AGTPBP1: variants seen among roughly 807,000 people sequenced by gnomAD.
The protein encoded by AGTPBP1 is ATP/GTP binding carboxypeptidase 1, also known as cytosolic carboxypeptidase 1.
In AGTPBP1, 70 loss-of-function variants were observed where a neutral mutation model predicts 143.9. The ratio of observed to expected loss-of-function variants is 0.49; its 90% CI spans 0.40 to 0.59. The LOEUF is 0.59. Ranked by LOEUF, AGTPBP1 falls within the 20% of genes least tolerant of loss-of-function variation. The probability of loss-of-function intolerance (pLI) is 0.00; values close to 1 mark genes in which losing one functional copy is unlikely to be tolerated. For synonymous variants in AGTPBP1, 463 were observed against 500.2 expected, an observed-to-expected ratio of 0.93 and a Z score of 0.99; for missense variants, 1,229 against 1,464.5, an observed-to-expected ratio of 0.84 and a Z score of 2.62.
chr9:85,574,060 C>T lies in AGTPBP1; in HGVS notation c.3503+1255G>A, dbSNP rs573863293. On this transcript the variant is annotated intron_variant, in intron 25 of 25. Transcript: ENST00000357081. ...AAAGGTGGGGAAAAGATTGAGAAAT[C>T]GGATGGTTGCTGCGTCTGTGTAGAA... is the stretch of plus-strand genomic sequence containing the variant. 2.0e-3 allele frequency among the ~76,000 whole-genome samples: 311 copies of T among 152,288 alleles called. 1 individual carries two copies. The highest frequency in any genetic ancestry group is 6.2e-3 in the African/African-American group (259 of 41,546).
At chr9:85,717,557 T>C (rs1837788193) in intron 1 of AGTPBP1, among the ~76,000 whole-genome samples, 1 of 152,138 alleles carries the variant, frequency 6.6e-6, no homozygotes, top group African/African-American at 2.4e-5. Context: ...TGAATGTTCG[T>C]GTGCCTCCCA....
chr9:85,699,022 A>C (rs1836470338), intron 2 of AGTPBP1, among the ~76,000 whole-genome samples: 1 of 152,096 alleles, frequency 6.6e-6, no homozygotes, highest in Non-Finnish European at 1.5e-5. Context: ...CAACTTTGGG[A>C]GGTTCCATTT....
At chr9:85,765,051 T>C in the AGTPBP1 span, 2 of 579,128 alleles carry the variant, frequency 3.5e-6, no homozygotes, top group Non-Finnish European at 3.1e-6. Context: ...TTGTCAGATG[T>C]AGTGAGTTCA....
the AGTPBP1 span, among the ~76,000 whole-genome samples, chr9:85,803,094 C>T: frequency 6.6e-6 from 1 of 152,264 alleles, no homozygotes; most frequent in South Asian, 2.1e-4. Context: ...ACTACTTTCT[C>T]CCACTGTCCA....
At chr9:85,590,062 T>C (rs1564038337) in intron 19 of AGTPBP1, among the ~76,000 whole-genome samples, 1 of 152,104 alleles carries the variant, frequency 6.6e-6, no homozygotes, top group African/African-American at 2.4e-5. Context: ...AGTTTTGAAA[T>C]TGTGAGTGAT....
intron 2 of AGTPBP1, among the ~76,000 whole-genome samples, chr9:85,706,554 CAT>C (rs1181909523): frequency 6.8e-6 from 1 of 146,996 alleles, no homozygotes; most frequent in African/African-American, 2.5e-5. Context: ...ATAGTAAGAT[CAT>C]ATTTTTAAAC....
chr9:85,644,589 C>A (rs1364413420), intron 12 of AGTPBP1, among the ~76,000 whole-genome samples: 3 of 152,024 alleles, frequency 2.0e-5, no homozygotes, highest in Non-Finnish European at 4.4e-5. Context: ...AACAAAACAA[C>A]CTGCTACCAC....
intron 13 of AGTPBP1, among the ~76,000 whole-genome samples, chr9:85,637,059 TA>T: frequency 6.6e-6 from 1 of 151,228 alleles, no homozygotes; most frequent in East Asian, 1.9e-4. Flanking sequence ...TTTTTTTTTT[TA>T]GACAGAGTTT....
rs1276572017 is a variant in AGTPBP1 at position 85,632,619 on chromosome 9, G to C, written c.2015+43C>G. The stretch of plus-strand genomic sequence containing the variant: ...TTTTTTTAAGACTGCCTCATATCTT[G>C]ACAATAGCCTTATTTAGAAGAGGGA... On this transcript the variant is annotated intron_variant, in intron 14 of 25. Coordinates refer to ENST00000357081, the MANE Select transcript of AGTPBP1 (RefSeq NM_001330701.2). The C allele has an allele frequency of 2.0e-6, 3 of 1,488,294 alleles. No homozygotes were observed. In the South Asian group the frequency reaches 4.0e-5, roughly 20 times the overall value. 92.2% of individuals were successfully genotyped at this position (1,488,294 alleles called of 1,614,324 possible). A position where few individuals can be genotyped will look rare whatever the true frequency, so the allele number is the denominator to read the frequency against.
intron 8 of AGTPBP1, among the ~76,000 whole-genome samples, chr9:85,668,357 G>C (rs1342244676): frequency 2.6e-5 from 4 of 151,982 alleles, no homozygotes; most frequent in Non-Finnish European, 5.9e-5. Flanking sequence ...GTAAGTATCA[G>C]GAGGGAGAGG....
intron 25 of AGTPBP1, 149 bp from the exon 26 acceptor site, chr9:85,547,435 AT>A: frequency 1.6e-6 from 1 of 627,044 alleles, no homozygotes; most frequent in Non-Finnish European, 2.4e-6. Context: ...ACAAGTTGAA[AT>A]TTATAATAGG....
At chr9:85,638,652 TA>T (rs1832244972) in intron 13 of AGTPBP1, among the ~76,000 whole-genome samples, 1 of 151,988 alleles carries the variant, frequency 6.6e-6, no homozygotes, top group Non-Finnish European at 1.5e-5. Flanking sequence ...AGTATATTAA[TA>T]TTTTTTAAAG....
intron 1 of AGTPBP1, among the ~76,000 whole-genome samples, chr9:85,730,531 C>T (rs1297168792): frequency 1.3e-5 from 2 of 152,146 alleles, no homozygotes; most frequent in Non-Finnish European, 2.9e-5. Flanking sequence ...GTGTGTGCTG[C>T]TTTTCCAATA....
chr9:85,616,940 A>C (rs181934224), intron 17 of AGTPBP1, among the ~76,000 whole-genome samples: 54 of 152,220 alleles, frequency 3.5e-4, no homozygotes, highest in Non-Finnish European at 7.4e-4. Context: ...TTAAAAGAAT[A>C]AACACTTAAA....
intron 17 of AGTPBP1, among the ~76,000 whole-genome samples, chr9:85,601,639 C>T (rs1829677337): frequency 6.6e-6 from 1 of 152,184 alleles, no homozygotes; most frequent in Admixed American, 6.5e-5. Context: ...CCTCTCATTG[C>T]TCATGCTATG....
At chr9:85,760,840 A>C in the AGTPBP1 span, among the ~76,000 whole-genome samples, 1 of 152,232 alleles carries the variant, frequency 6.6e-6, no homozygotes, top group Non-Finnish European at 1.5e-5. Flanking sequence ...GTCTGTTTGC[A>C]GATGACATGA....
At chr9:85,783,195 G>A in the AGTPBP1 span, among the ~76,000 whole-genome samples, 1 of 152,156 alleles carries the variant, frequency 6.6e-6, no homozygotes, top group Non-Finnish European at 1.5e-5. Context: ...TGTAAAATGA[G>A]AACAACACTG....
At chr9:85,703,431 T>C (rs528836429) in intron 2 of AGTPBP1, among the ~76,000 whole-genome samples, 1 of 152,318 alleles carries the variant, frequency 6.6e-6, no homozygotes, top group East Asian at 1.9e-4. Context: ...CTGGTCAAGG[T>C]AGCAACAATG....
At chr9:85,554,670 G>A (rs1049514353) in intron 25 of AGTPBP1, among the ~76,000 whole-genome samples, 2 of 152,126 alleles carry the variant, frequency 1.3e-5, no homozygotes, top group Admixed American at 1.3e-4. Context: ...GATATCTAGA[G>A]CCTCTGAAGT....
Sources: gnomAD v4.1 joint callset for allele counts (sites outside exome capture counted in the v4.1 genomes callset) on GRCh38, gnomAD v4.1.1 for gene constraint, MANE v1.5 for transcripts, NCBI Gene and HGNC (gene_info 2026-07-23, HGNC 2026-07-21) for gene names.